The following FGF14 variants were observed in gnomAD, a reference collection of about 807,000 sequenced individuals.
FGF14 encodes the protein fibroblast growth factor 14, also known as fibroblast growth factor homologous factor 4.
Under a neutral mutation model 25.5 loss-of-function variants are expected in FGF14, and 5 were observed. The ratio of observed to expected loss-of-function variants is 0.20; its 90% CI spans 0.10 to 0.41. The LOEUF (loss-of-function observed/expected upper bound fraction) is 0.41. Among genes scored for constraint, FGF14 ranks in the 10% least tolerant of loss-of-function variants. The pLI is 1.00. For missense variants in FGF14, 222 were observed against 320.1 expected (o/e 0.69, Z 2.34); for synonymous variants, 138 against 118.3 (o/e 1.17, Z -1.08).
chr13:102,315,422 C>T lies in FGF14; in HGVS notation c.208+86049G>A, dbSNP rs372022247. ...ACTTCTCTCAACCCTCCCCTGTAGG[C>T]AATGCCTGTAACATTTCACTGCATT... On this transcript the variant is annotated intron_variant, in intron 1 of 4. Transcript: ENST00000376131. Among the ~76,000 whole-genome samples the T allele has an allele frequency of 1.6e-3, 250 of 152,264 alleles. 2 individuals carry two copies. Among genetic ancestry groups the T allele is most frequent in the African/African-American group, 5.5e-3 (230 of 41,566 alleles).
intron 1 of FGF14, among the ~76,000 whole-genome samples, chr13:101,994,932 T>A (rs543068750): frequency 6.6e-6 from 1 of 152,252 alleles, no homozygotes; most frequent in East Asian, 1.9e-4. Context: ...TAATGCATAT[T>A]ACATTATACA....
rs191467494 is a variant in FGF14, at chr13:101,763,117, C to T, written c.409-36307G>A. On this transcript the variant is annotated intron_variant, in intron 3 of 4. Transcript: ENST00000376143. Reference sequence around the variant, plus strand: ...ATGCACAGAAGTAAGCAAATTTGGCCTAATGAGTTTGGCAGGGTTGGAATT... The same window carrying T: ...ATGCACAGAAGTAAGCAAATTTGGCTTAATGAGTTTGGCAGGGTTGGAATT... Among the ~76,000 whole-genome samples the T allele has an allele frequency of 5.3e-4, 80 of 152,278 alleles. 1 individual carries two copies. The highest frequency in any genetic ancestry group is 3.7e-4 in the Non-Finnish European group (25 of 68,020).
chr13:101,722,066 A>C lies in FGF14; in HGVS notation c.*765T>G, dbSNP rs538817156. The C allele has an allele frequency of 1.3e-5, 2 of 152,612 alleles. No individual in the cohort carries two copies. Among genetic ancestry groups the C allele is most frequent in the Non-Finnish European group, 2.9e-5 (2 of 68,400 alleles). 9.5% of individuals were successfully genotyped at this position (152,612 alleles called of 1,614,324 possible). A position where few individuals can be genotyped will look rare whatever the true frequency, so the allele number is the denominator to read the frequency against. On this transcript the variant is annotated 3_prime_UTR_variant, in exon 5 of 5. Transcript: ENST00000376143. ...GAAACTAGAGGGGGATGTCAAACACATATCATAGAGAGCTTCCCTGGATTG... is the reference window on the plus strand; with the variant it reads ...GAAACTAGAGGGGGATGTCAAACACCTATCATAGAGAGCTTCCCTGGATTG...
intron 1 of FGF14, among the ~76,000 whole-genome samples, chr13:102,354,466 C>T (rs552770731): frequency 2.6e-5 from 4 of 152,288 alleles, no homozygotes; most frequent in African/African-American, 7.2e-5. Context: ...CTGAAAGCCT[C>T]CTACCCACTG....
At chr13:102,001,975 T>C (rs137880585) in intron 1 of FGF14, 1,813 of 152,358 alleles carry the variant, frequency 0.012, 19 homozygotes, top group Middle Eastern at 0.027. Flanking sequence ...CTACAGGCAC[T>C]GCAGCTTACG....
chr13:101,792,243 T>C lies in FGF14; in HGVS notation c.409-65433A>G, dbSNP rs150863277. 1.4e-3 allele frequency among the ~76,000 whole-genome samples: 208 copies of C among 152,244 alleles called. 3 individuals carry two copies. Among genetic ancestry groups the C allele is most frequent in the Middle Eastern group, 6.8e-3 (2 of 294 alleles). ...CTGTAGCTATTTTCCTATTGTCAGA[T>C]GAAATCCTTAGATTTGAGGAAAAGA... On this transcript the variant is annotated intron_variant, in intron 3 of 4. Transcript: ENST00000376143.
chr13:101,913,749 C>A (rs1299336409), intron 1 of FGF14, among the ~76,000 whole-genome samples: 1 of 152,184 alleles, frequency 6.6e-6, no homozygotes, highest in Non-Finnish European at 1.5e-5. Context: ...ATCTCTCAAC[C>A]TGTGGATCCC....
rs1310124703 is a variant in FGF14, at chr13:102,221,901, TA to T, written c.208+179569del. 2.6e-5 allele frequency among the ~76,000 whole-genome samples: 4 copies of T among 152,290 alleles called. No individual in the cohort carries two copies. The East Asian group carries it at 7.7e-4, about 29-fold the overall frequency. On this transcript the variant is annotated intron_variant, in intron 1 of 4. Coordinates refer to the FGF14 transcript ENST00000376131. ...TAACTAAAACAAACTTGGCATCTAA[TA>T]AATAAGTGTCCACTGATTGTCTGAA...
In FGF14 at chr13:101,874,659, CAATG is replaced by C. The variant is rs777586226; in HGVS notation, c.304+523_304+526del. 3.9e-5 allele frequency among the ~76,000 whole-genome samples: 6 copies of C among 151,984 alleles called. No homozygotes were observed. In the East Asian group the frequency reaches 9.7e-4, roughly 24 times the overall value. On this transcript the variant is annotated intron_variant, in intron 2 of 4. Transcript: ENST00000376143. ...GATGCAATTCTGCAAACACTTTGCA[CAATG>C]AATTTCAAAGTACACAACCTTTATG...
intron 1 of FGF14, among the ~76,000 whole-genome samples, chr13:102,127,577 T>A (rs1028663080): frequency 6.6e-6 from 1 of 152,218 alleles, no homozygotes; most frequent in Admixed American, 6.5e-5. Flanking sequence ...CTTAAAACCA[T>A]AAGAAACCCT....
chr13:101,749,655 CTATA>C (rs1442025431), intron 3 of FGF14, among the ~76,000 whole-genome samples: 2 of 152,112 alleles, frequency 1.3e-5, no homozygotes, highest in Non-Finnish European at 2.9e-5. Flanking sequence ...CTATATAAAT[CTATA>C]TAAAGATTTG....
intron 1 of FGF14, among the ~76,000 whole-genome samples, chr13:101,892,244 C>G (rs889290767): frequency 5.3e-5 from 8 of 151,992 alleles, no homozygotes; most frequent in African/African-American, 1.7e-4. Flanking sequence ...AGGAAAAGTG[C>G]CTTATATTAC....
Position 101,714,353 on chromosome 13 carries a change from G to C in FGF14, c.*8478C>G, listed in dbSNP as rs141473053. 1.7e-3 allele frequency: 1,369 copies of C among 819,464 alleles called. 10 individuals carry two copies. Among genetic ancestry groups the C allele is most frequent in the Middle Eastern group, 0.01 (42 of 4,160 alleles). 50.8% of individuals were successfully genotyped at this position (819,464 alleles called of 1,614,324 possible). ...TTGGATGATGGGTTATTAGAAGCCT[G>C]TTGTCAGTGTGTCAACGATATTCTA... is the stretch of plus-strand genomic sequence containing the variant. On this transcript the variant is annotated 3_prime_UTR_variant, in exon 5 of 5. Coordinates refer to ENST00000376143, the MANE Select transcript of FGF14 (RefSeq NM_004115.4).
intron 3 of FGF14, among the ~76,000 whole-genome samples, chr13:101,824,637 C>A (rs529766044): frequency 6.6e-6 from 1 of 152,234 alleles, no homozygotes; most frequent in Admixed American, 6.5e-5. Flanking sequence ...CCCTTGAAAT[C>A]TACAAAATAA....
At position 101,954,437 on chromosome 13, in the gene FGF14, A is replaced by G. The variant is rs542350490; in HGVS notation, c.209-79141T>C. On this transcript the variant is annotated intron_variant, in intron 1 of 4. Transcript: ENST00000376131. ...TGAGAGAAGACAGGCCCTCTTCTAAATTTTTGAAGAAACACGTAAAAGCAA... is the reference window on the plus strand; with the variant it reads ...TGAGAGAAGACAGGCCCTCTTCTAAGTTTTTGAAGAAACACGTAAAAGCAA... Among the ~76,000 whole-genome samples, 370 of 152,314 alleles carry G rather than the reference A, an allele frequency of 2.4e-3. 3 individuals are homozygous for G. Among genetic ancestry groups the G allele is most frequent in the African/African-American group, 8.4e-3 (351 of 41,560 alleles).
intron 1 of FGF14, among the ~76,000 whole-genome samples, chr13:102,236,056 C>T (rs1360668962): frequency 1.3e-5 from 2 of 152,150 alleles, no homozygotes; most frequent in Non-Finnish European, 1.5e-5. Context: ...TGTCAGGAAC[C>T]TTTGTAGTAG....
At chr13:102,177,990 C>A (rs2048515442) in intron 1 of FGF14, among the ~76,000 whole-genome samples, 1 of 151,898 alleles carries the variant, frequency 6.6e-6, no homozygotes, top group Non-Finnish European at 1.5e-5. Context: ...ATGCCCCAAA[C>A]CTCCCCTGAC....
intron 1 of FGF14, 110 bp downstream of exon 1, chr13:101,916,337 AGGCCGG>A: frequency 2.3e-6 from 3 of 1,287,732 alleles, no homozygotes; most frequent in Non-Finnish European, 1.1e-6. Context: ...CTCAGAAGGG[AGGCCGG>A]GGCCGGGGTG....
chr13:101,929,600 G>T lies in FGF14; in HGVS notation c.209-54304C>A, dbSNP rs546369140. Among the ~76,000 whole-genome samples, 16 of 152,302 alleles carry T rather than the reference G, an allele frequency of 1.1e-4. No individual in the cohort carries two copies. The South Asian group carries it at 3.3e-3, about 32-fold the overall frequency. On this transcript the variant is annotated intron_variant, in intron 1 of 4. Coordinates refer to the FGF14 transcript ENST00000376131. ...AGACCCACTCAATTACCTGGGCGTTGTCACGTCATCTGACTATTTTCATGC... is the reference window on the plus strand; with the variant it reads ...AGACCCACTCAATTACCTGGGCGTTTTCACGTCATCTGACTATTTTCATGC...
Sources: gnomAD v4.1 joint callset for allele counts (sites outside exome capture counted in the v4.1 genomes callset) on GRCh38, gnomAD v4.1.1 for gene constraint, MANE v1.5 for transcripts, NCBI Gene and HGNC (gene_info 2026-07-23, HGNC 2026-07-21) for gene names.